Variants in SEC14L2 observed in about 807,000 individuals in gnomAD.
SEC14L2 encodes the protein SEC14 like lipid binding 2, also known as SEC14-like protein 2.
SEC14L2 carries 50 observed loss-of-function variants against 56.9 expected under a neutral mutation model. The observed-to-expected ratio is 0.88, with a 90% confidence interval of 0.70 to 1.11. SEC14L2 has a LOEUF of 1.11. Among genes scored for constraint, SEC14L2 ranks in the 50% most tolerant of loss-of-function variants. The pLI is 0.00. For missense variants in SEC14L2, 414 were observed against 500.7 expected (o/e 0.83, Z 1.65); for synonymous variants, 179 against 188.5 (o/e 0.95, Z 0.41).
At chr22:30,415,737 C>T (rs1601785068) in intron 8 of SEC14L2, 22 bp from the exon 9 acceptor site, 1 of 1,601,520 alleles carries the variant, frequency 6.2e-7, no homozygotes, top group Admixed American at 1.7e-5. Context: ...ACATCTTTAT[C>T]CTTCCTTCCC....
At chr22:30,416,186 G>T (rs367965335) in intron 10 of SEC14L2, 48 bp from the exon 11 acceptor site, 2 of 1,609,500 alleles carry the variant, frequency 1.2e-6, no homozygotes, top group Non-Finnish European at 1.7e-6. Context: ...ACCCCGGAGA[G>T]GGCACACACA....
At position 30,423,223 on chromosome 22, in the gene SEC14L2, A is replaced by ACCGGCCTCTCACCAAGCAGTCCTC. The variant is rs1569214199; in HGVS notation, c.*818_*841dup. 1 of 152,792 alleles carries ACCGGCCTCTCACCAAGCAGTCCTC rather than the reference A, an allele frequency of 6.5e-6. No homozygotes were observed. The highest frequency in any genetic ancestry group is 1.5e-5 in the Non-Finnish European group (1 of 68,136). The allele number at this position is 152,792 out of a possible 1,614,324, so 9.5% of individuals were successfully genotyped here. The stretch of plus-strand genomic sequence containing the variant: ...ATCGTCCAGTGCCCTTTTCAGTGCT[A>ACCGGCCTCTCACCAAGCAGTCCTC]CCGGCCTCTCACCAAGCAGTCCTCC... On this transcript the variant is annotated 3_prime_UTR_variant, in exon 12 of 12. Coordinates refer to ENST00000615189, the MANE Select transcript of SEC14L2 (RefSeq NM_012429.5).
At position 30,397,978 on chromosome 22, in the gene SEC14L2, G is replaced by A. The variant is rs141433657; in HGVS notation, c.54+808G>A. ...CTCTTATCTGTCACCCCTGGGGAGT[G>A]AGGAGGTCGGCTCTTCTCTGGGCAA... On this transcript the variant is annotated intron_variant, in intron 1 of 11. Transcript: ENST00000615189. 690 of 436,376 alleles carry A rather than the reference G, an allele frequency of 1.6e-3. 18 individuals are homozygous for A. In the East Asian group the frequency reaches 0.039, roughly 25 times the overall value. 27.0% of individuals were successfully genotyped at this position (436,376 alleles called of 1,614,324 possible).
chr22:30,412,603 C>T lies in SEC14L2; in HGVS notation c.664+1924C>T, dbSNP rs1185042000. Among the ~76,000 whole-genome samples the T allele has an allele frequency of 3.3e-5, 5 of 151,894 alleles. 1 individual carries two copies. The highest frequency in any genetic ancestry group is 2.0e-4 in the Admixed American group (3 of 15,226). ...GTTTGGGAGGCCCAAGTGGGTGGAT[C>T]GCTTGAGCCCAGGAATTCCAGATCA... On this transcript the variant is annotated intron_variant, in intron 8 of 11. Coordinates refer to ENST00000615189, the MANE Select transcript of SEC14L2 (RefSeq NM_012429.5).
At position 30,416,355 on chromosome 22, in the gene SEC14L2, C is replaced by T; in HGVS notation, c.1033C>T (p.His345Tyr). ...EVLPNQRYNS[H>Y]LVPEDGTLTC... ...GCTGCCCAACCAGAGGTACAACTCC[C>T]ACCTGGTCCCTGAAGATGGGACCCT... is the stretch of plus-strand genomic sequence containing the variant. Residue 345 changes from histidine to tyrosine, a missense_variant, in exon 11 of 12, where the codon CAC (histidine) becomes TAC (tyrosine). Coordinates refer to ENST00000615189, the MANE Select transcript of SEC14L2 (RefSeq NM_012429.5). 2 of 1,614,236 alleles carry T rather than the reference C, an allele frequency of 1.2e-6. No homozygotes were observed. Among genetic ancestry groups the T allele is most frequent in the South Asian group, 2.2e-5 (2 of 91,086 alleles).
At chr22:30,409,059 A>AAAAGGAAGACAAG in intron 5 of SEC14L2, 128 bp from the exon 6 acceptor site, 1 of 846,218 alleles carries the variant, frequency 1.2e-6, no homozygotes. Context: ...AGTTTGGAAA[A>AAAAGGAAGACAAG]CTCTAGGTCC....
chr22:30,402,110 C>T (rs374014534), intron 2 of SEC14L2, among the ~76,000 whole-genome samples: 1 of 152,132 alleles, frequency 6.6e-6, no homozygotes, highest in African/African-American at 2.4e-5. Context: ...CATCCCCCTA[C>T]CCCAGTCCAC....
chr22:30,413,173 C>G (rs1934298417), intron 8 of SEC14L2, among the ~76,000 whole-genome samples: 1 of 152,130 alleles, frequency 6.6e-6, no homozygotes, highest in African/African-American at 2.4e-5. Flanking sequence ...AGAGGCAGAA[C>G]CCTGGGGAAC....
At chr22:30,403,639 A>G (rs775424740) in intron 2 of SEC14L2, among the ~76,000 whole-genome samples, 2 of 152,198 alleles carry the variant, frequency 1.3e-5, no homozygotes, top group Non-Finnish European at 2.9e-5. Flanking sequence ...GCCTTGGCAG[A>G]TAAGGGTTAA....
intron 2 of SEC14L2, among the ~76,000 whole-genome samples, chr22:30,400,063 A>G (rs1933883464): frequency 6.6e-6 from 1 of 152,224 alleles, no homozygotes; most frequent in Non-Finnish European, 1.5e-5. Flanking sequence ...AAAAGTGAGA[A>G]AGGCCCCAGC....
intron 2 of SEC14L2, among the ~76,000 whole-genome samples, chr22:30,404,010 AAAAAAAAAAAAAAAAAAAAG>A (rs1241388037): frequency 3.7e-5 from 3 of 80,940 alleles, no homozygotes; most frequent in African/African-American, 1.2e-4. Flanking sequence ...ACTCCGTCTC[AAAAAAAAAAAAAAAAAAAAG>A]AAAAAAAAAA....
At chr22:30,409,687 C>T (rs1934196630) in intron 7 of SEC14L2, among the ~76,000 whole-genome samples, 1 of 152,124 alleles carries the variant, frequency 6.6e-6, no homozygotes, top group African/African-American at 2.4e-5. Flanking sequence ...CTCTTGAGCC[C>T]AGGAGTTTGA....
chr22:30,407,755 G>GA, intron 5 of SEC14L2, 152 bp downstream of exon 5: 1 of 661,390 alleles, frequency 1.5e-6, no homozygotes, highest in South Asian at 2.7e-5. Context: ...TTTTAGTAGA[G>GA]ACGGGGTTTC....
At chr22:30,408,954 A>G (rs565194714) in intron 5 of SEC14L2, 2 of 596,244 alleles carry the variant, frequency 3.4e-6, no homozygotes, top group East Asian at 6.2e-5. Context: ...GATGTCATCT[A>G]GATCCACCCA....
At chr22:30,419,119 A>G (rs1934453741) in intron 11 of SEC14L2, among the ~76,000 whole-genome samples, 2 of 152,330 alleles carry the variant, frequency 1.3e-5, no homozygotes, top group Middle Eastern at 3.4e-3. Context: ...AACACTATAG[A>G]AAGGGTGAGC....
intron 8 of SEC14L2, among the ~76,000 whole-genome samples, chr22:30,412,344 G>A (rs369780469): frequency 1.2e-4 from 18 of 151,812 alleles, no homozygotes; most frequent in East Asian, 3.9e-4. Context: ...CCTTCCCAGA[G>A]AGGCCAAAAG....
chr22:30,416,004 G>C lies in SEC14L2; in HGVS notation c.828G>C (p.Gln276His). 6.2e-7 allele frequency: 1 copy of C among 1,614,248 alleles called. No homozygotes were observed. The change falls in exon 10 of 12, where the codon CAG becomes CAC. Residue 276 changes from glutamine to histidine, a missense_variant. Transcript: ENST00000615189. ...ATTATGTGCGAGACCAGGTGAAACA[G>C]CAGTATGAACACAGCGTGCAGATTT... is the stretch of plus-strand genomic sequence containing the variant. Reference protein sequence around the residue: ...RKYYVRDQVKQQYEHSVQISR... With the variant: ...RKYYVRDQVKHQYEHSVQISR...
intron 11 of SEC14L2, among the ~76,000 whole-genome samples, chr22:30,420,074 C>T (rs1312047204): frequency 6.6e-6 from 1 of 152,104 alleles, no homozygotes; most frequent in Admixed American, 6.5e-5. Context: ...CTGCCTCAGC[C>T]TCCCAAGTAG....
chr22:30,419,871 C>G (rs1299789018), intron 11 of SEC14L2, among the ~76,000 whole-genome samples: 1 of 151,998 alleles, frequency 6.6e-6, no homozygotes, highest in Admixed American at 6.5e-5. Context: ...TTGTACCTTT[C>G]CCATTGGGAA....
Sources: allele counts gnomAD v4.1 joint callset (sites outside exome capture counted in the v4.1 genomes callset), GRCh38; gene constraint gnomAD v4.1.1; transcripts MANE v1.5; gene names NCBI Gene and HGNC (gene_info 2026-07-23, HGNC 2026-07-21).